The following CAPN3 variants were observed in gnomAD, a reference collection of about 807,000 sequenced individuals.
CAPN3 encodes calpain-3.
CAPN3 carries 88 observed loss-of-function variants against 114.0 expected under a neutral mutation model. That is an observed-to-expected ratio of 0.77 (90% confidence interval 0.65 to 0.92). The LOEUF (loss-of-function observed/expected upper bound fraction) is 0.92. CAPN3 is among the 40% of genes least tolerant of loss of function. The pLI, the probability that CAPN3 is intolerant of heterozygous loss-of-function variation, is 0.00. For synonymous variants in CAPN3, 386 were observed against 382.9 expected (o/e 1.01, Z -0.09); for missense variants, 1,028 against 1,069.0 (o/e 0.96, Z 0.53).
intron 1 of CAPN3, among the ~76,000 whole-genome samples, chr15:42,374,777 A>C (rs963909253): frequency 2.7e-5 from 4 of 148,634 alleles, no homozygotes; most frequent in African/African-American, 9.9e-5. Context: ...AATGCATTGT[A>C]ATCGAATATC....
intron 9 of CAPN3, among the ~76,000 whole-genome samples, chr15:42,398,897 G>T (rs1450513220): frequency 6.9e-6 from 1 of 145,900 alleles, no homozygotes; most frequent in Middle Eastern, 3.8e-3. Context: ...TGATTCTCCT[G>T]CCTCAGCCTC....
At chr15:42,411,688 C>CGGGGGGGG in intron 23 of CAPN3, 59 bp from the exon 24 acceptor site, 1 of 455,374 alleles carries the variant, frequency 2.2e-6, no homozygotes, top group Admixed American at 3.2e-5. Context: ...ATTCCTAGGG[C>CGGGGGGGG]GGGGGGGGGG....
chr15:42,395,732 C>T (rs1472531538), intron 8 of CAPN3, among the ~76,000 whole-genome samples: 2 of 152,208 alleles, frequency 1.3e-5, no homozygotes, highest in Non-Finnish European at 2.9e-5. Context: ...GTGGACCCAA[C>T]GCTGTTCACT....
At chr15:42,406,874 G>A (rs549898274) in intron 15 of CAPN3, among the ~76,000 whole-genome samples, 3 of 152,268 alleles carry the variant, frequency 2.0e-5, no homozygotes, top group African/African-American at 4.8e-5. Flanking sequence ...ACACTGCTTA[G>A]AAGGCAGAGC....
At chr15:42,396,492 G>A (rs2053695396) in intron 8 of CAPN3, among the ~76,000 whole-genome samples, 1 of 151,980 alleles carries the variant, frequency 6.6e-6, no homozygotes, top group African/African-American at 2.4e-5. Flanking sequence ...CGCCCACCTC[G>A]GCCTCCCAAA....
In CAPN3 at chr15:42,401,984, G is replaced by GA. The variant is rs28364488; in HGVS notation, c.1525-139dup. 4,694 of 1,318,014 alleles carry GA rather than the reference G, an allele frequency of 3.6e-3. 129 individuals are homozygous for GA. The African/African-American group carries it at 0.062, about 17-fold the overall frequency. The allele number at this position is 1,318,014 out of a possible 1,614,324, so 81.6% of individuals were successfully genotyped here. On this transcript the variant is annotated intron_variant, in intron 11 of 23. Transcript: ENST00000397163. ...AAAAAATACCAGGGGGGGCATTAGA[G>GA]AGGCAGTGGAGCGGGCCTGGCAGAA... is the stretch of plus-strand genomic sequence containing the variant.
intron 1 of CAPN3, among the ~76,000 whole-genome samples, chr15:42,375,391 T>A (rs2053063549): frequency 6.6e-6 from 1 of 152,064 alleles, no homozygotes; most frequent in African/African-American, 2.4e-5. Flanking sequence ...TGAAGCAGTT[T>A]GTGTCAGGCT....
intron 1 of CAPN3, among the ~76,000 whole-genome samples, chr15:42,370,939 A>C (rs969339825): frequency 6.6e-6 from 1 of 152,064 alleles, no homozygotes; most frequent in Admixed American, 6.6e-5. Flanking sequence ...ACTTCATTCA[A>C]ATCCCAGCTC....
In CAPN3 at chr15:42,376,237, A is replaced by C. The variant is rs567412600; in HGVS notation, c.310-8246A>C. On this transcript the variant is annotated intron_variant, in intron 1 of 23. Transcript: ENST00000397163. The stretch of plus-strand genomic sequence containing the variant: ...AAGTTACTTCTTCCCCTCTTTTCAT[A>C]CTATACTCTGGAAGCAAGACACTAA... Among the ~76,000 whole-genome samples the C allele has an allele frequency of 9.2e-5, 14 of 152,238 alleles. No individual in the cohort carries two copies. In the South Asian group the frequency reaches 2.9e-3, roughly 32 times the overall value.
At chr15:42,384,691 A>C in intron 2 of CAPN3, 139 bp downstream of exon 2, 1 of 711,742 alleles carries the variant, frequency 1.4e-6, no homozygotes, top group South Asian at 1.5e-5. Context: ...CAGTTGCTTT[A>C]TGGTCGTTTA....
chr15:42,401,485 C>CA (rs531854862), intron 10 of CAPN3, among the ~76,000 whole-genome samples, 156 bp from the exon 11 acceptor site: 2 of 127,036 alleles, frequency 1.6e-5, no homozygotes, highest in African/African-American at 6.3e-5. Flanking sequence ...CCCCCCCCCC[C>CA]CCAAATCATT....
intron 6 of CAPN3, 32 bp from the exon 7 acceptor site, chr15:42,392,607 C>G (rs367890151): frequency 1.3e-6 from 2 of 1,553,868 alleles, no homozygotes; most frequent in Non-Finnish European, 1.8e-6. Flanking sequence ...GTTCCCCCGC[C>G]CCTAATGGGT....
chr15:42,369,056 C>T (rs1199495406), intron 1 of CAPN3, among the ~76,000 whole-genome samples: 1 of 152,150 alleles, frequency 6.6e-6, no homozygotes, highest in African/African-American at 2.4e-5. Flanking sequence ...GGAGTACTCT[C>T]TCTTACAGAC....
intron 1 of CAPN3, among the ~76,000 whole-genome samples, chr15:42,378,345 A>T (rs1400802390): frequency 6.6e-6 from 1 of 152,356 alleles, no homozygotes; most frequent in Non-Finnish European, 1.5e-5. Context: ...ATTCCTATGT[A>T]TCTGTGCCCT....
intron 1 of CAPN3, among the ~76,000 whole-genome samples, chr15:42,380,237 T>C (rs999350561): frequency 6.6e-6 from 1 of 152,176 alleles, no homozygotes; most frequent in Non-Finnish European, 1.5e-5. Context: ...GTTAGATTAC[T>C]ACCTACATGT....
chr15:42,409,536 T>C (rs1566984576), intron 17 of CAPN3, among the ~76,000 whole-genome samples, 156 bp downstream of exon 17: 1 of 152,170 alleles, frequency 6.6e-6, no homozygotes, highest in Non-Finnish European at 1.5e-5. Context: ...CCACAAGCCC[T>C]TGAGTTTTGG....
intron 1 of CAPN3, among the ~76,000 whole-genome samples, chr15:42,372,734 G>T (rs2052986236): frequency 6.6e-6 from 1 of 152,030 alleles, no homozygotes; most frequent in South Asian, 2.1e-4. Flanking sequence ...TGTAATCCCA[G>T]CTACTTGGGA....
intron 6 of CAPN3, among the ~76,000 whole-genome samples, chr15:42,391,946 C>T (rs2053565984): frequency 1.3e-5 from 2 of 152,022 alleles, no homozygotes; most frequent in Middle Eastern, 6.8e-3. Flanking sequence ...GGTGGATCAC[C>T]TGAGGTCAGG....
chr15:42,397,273 C>T (rs2053722115), intron 9 of CAPN3, among the ~76,000 whole-genome samples: 1 of 152,200 alleles, frequency 6.6e-6, no homozygotes, highest in African/African-American at 2.4e-5. Context: ...GGAGAATTTT[C>T]AAGTCTCAGC....
Sources: gnomAD v4.1 joint callset for allele counts (sites outside exome capture counted in the v4.1 genomes callset) on GRCh38, gnomAD v4.1.1 for gene constraint, MANE v1.5 for transcripts, NCBI Gene and HGNC (gene_info 2026-07-23, HGNC 2026-07-21) for gene names.